Variants in SLC18A1 observed in about 807,000 individuals in gnomAD.
The protein encoded by SLC18A1 is solute carrier family 18 member A1.
A neutral mutation model predicts 53.7 loss-of-function variants in SLC18A1; 69 were observed. The ratio of observed to expected loss-of-function variants is 1.28; its 90% CI spans 1.06 to 1.57. The LOEUF is 1.57. Ranked by LOEUF, SLC18A1 falls within the 40% of genes most tolerant of loss-of-function variation. SLC18A1 has a pLI of 0.00. For missense variants in SLC18A1, 932 were observed against 668.1 expected (o/e 1.40, Z -4.35); for synonymous variants, 320 against 248.1 (o/e 1.29, Z -2.72).
chr8:20,147,246 G>T lies in SLC18A1; in HGVS notation c.1464+12C>A. The T allele has an allele frequency of 6.3e-7, 1 of 1,586,034 alleles. No individual in the cohort carries two copies. Among genetic ancestry groups the T allele is most frequent in the Admixed American group, 1.9e-5 (1 of 52,256 alleles). ...GAAGTGAATTTCTCTTTTAACAGTC[G>T]GTGCTCCTTACAAGCTTCTCTTCCT... On this transcript the variant is annotated intron_variant, in intron 15 of 15. Transcript: ENST00000276373.
chr8:20,166,412 G>A (rs1467547677), intron 8 of SLC18A1, among the ~76,000 whole-genome samples: 2 of 148,208 alleles, frequency 1.3e-5, no homozygotes, highest in African/African-American at 5.0e-5. Context: ...AGAAAAAAAG[G>A]AGAACGCAAA....
At position 20,153,319 on chromosome 8, in the gene SLC18A1, G is replaced by A. The variant is rs373320727; in HGVS notation, c.1016-2575C>T. 6.6e-5 allele frequency among the ~76,000 whole-genome samples: 10 copies of A among 152,258 alleles called. No individual in the cohort carries two copies. The South Asian group carries it at 2.1e-3, about 32-fold the overall frequency. The stretch of plus-strand genomic sequence containing the variant: ...TTTTTGGCAAGTGACAAGCCCAGAG[G>A]GAGTGAGGAGTTTCAGAAGAGTGAC... On this transcript the variant is annotated intron_variant, in intron 10 of 15. Coordinates refer to ENST00000276373, the MANE Select transcript of SLC18A1 (RefSeq NM_003053.4).
chr8:20,147,374 C>A lies in SLC18A1; in HGVS notation c.1348G>T (p.Ala450Ser). The A allele has an allele frequency of 6.2e-7, 1 of 1,610,576 alleles. No homozygotes were observed. Residue 450 changes from alanine to serine, a missense_variant, in exon 15 of 16, where the codon GCC (alanine) becomes TCC (serine). By Grantham distance (99) the Ala-to-Ser change is moderately conservative. Coordinates refer to ENST00000276373, the MANE Select transcript of SLC18A1 (RefSeq NM_003053.4). The stretch of plus-strand genomic sequence containing the variant: ...GGAAAACCGATGGCCTTTACAATGG[C>A]ACCACCGGTGGATGGACCTGGGAGG... ...GFAIGPSTGG[A>S]IVKAIGFPWL...
chr8:20,147,180 C>G, intron 15 of SLC18A1, 78 bp downstream of exon 15: 1 of 1,487,020 alleles, frequency 6.7e-7, no homozygotes, highest in Non-Finnish European at 9.0e-7. Context: ...GAAATAACAG[C>G]CCAGGATGAA....
At chr8:20,181,256 C>T (rs1563779171) in intron 1 of SLC18A1, among the ~76,000 whole-genome samples, 169 bp from the exon 2 acceptor site, 1 of 152,168 alleles carries the variant, frequency 6.6e-6, no homozygotes, top group East Asian at 1.9e-4. Flanking sequence ...GGATTTATAT[C>T]TAGCCATTAA....
At position 20,150,758 on chromosome 8, in the gene SLC18A1, C is replaced by A. The variant is rs537699055; in HGVS notation, c.1016-14G>T. 2.1e-5 allele frequency: 34 copies of A among 1,610,380 alleles called. No homozygotes were observed. Among genetic ancestry groups the A allele is most frequent in the Non-Finnish European group, 2.8e-5 (33 of 1,176,746 alleles). On this transcript the variant is annotated splice_polypyrimidine_tract_variant and intron_variant, in intron 10 of 15. Coordinates refer to ENST00000276373, the MANE Select transcript of SLC18A1 (RefSeq NM_003053.4). ...AGAAAGCTAGACCTGTGGAAGGACA[C>A]AGATCCTTACCTTAGGACATGTCCA... is the stretch of plus-strand genomic sequence containing the variant.
chr8:20,165,077 G>A lies in SLC18A1; in HGVS notation c.889C>T (p.Leu297Phe). Residue 297 changes from leucine (L) to phenylalanine (F), a missense_variant, in exon 9 of 16, where the codon CTC becomes TTC. Coordinates refer to ENST00000276373, the MANE Select transcript of SLC18A1 (RefSeq NM_003053.4). ...GCCACCAGGATGTAAGGGTCTTTGA[G>A]AAGCATAAAGAGGGGAGTCCCCTTG... ...SAKGTPLFML[L>F]KDPYILVAAG... 2 of 1,614,228 alleles carry A rather than the reference G, an allele frequency of 1.2e-6. No homozygotes were observed. The highest frequency in any genetic ancestry group is 8.5e-7 in the Non-Finnish European group (1 of 1,180,044).
chr8:20,162,126 G>A (rs1021464326), intron 10 of SLC18A1, among the ~76,000 whole-genome samples: 2 of 152,210 alleles, frequency 1.3e-5, no homozygotes. Context: ...CAGTTGAGGG[G>A]CACTGCACTG....
At chr8:20,155,407 C>T (rs1249336227) in intron 10 of SLC18A1, among the ~76,000 whole-genome samples, 1 of 152,152 alleles carries the variant, frequency 6.6e-6, no homozygotes, top group Non-Finnish European at 1.5e-5. Context: ...GGCTTTCTAA[C>T]AACACCCAAT....
At position 20,145,516 on chromosome 8, in the gene SLC18A1, C is replaced by T. The variant is rs998238726; in HGVS notation, c.*247G>A. 10 of 329,408 alleles carry T rather than the reference C, an allele frequency of 3.0e-5. No homozygotes were observed. Among genetic ancestry groups the T allele is most frequent in the South Asian group, 2.0e-4 (2 of 10,012 alleles). The allele number at this position is 329,408 out of a possible 1,614,324, so 20.4% of individuals were successfully genotyped here. A position where few individuals can be genotyped will look rare whatever the true frequency, so the allele number is the denominator to read the frequency against. ...TCAAGTTTAATCAACCTCACAGCAG[C>T]GGGAAGGTGCATCACTCTGTCTTCC... On this transcript the variant is annotated 3_prime_UTR_variant, in exon 16 of 16. Coordinates refer to ENST00000276373, the MANE Select transcript of SLC18A1 (RefSeq NM_003053.4).
intron 10 of SLC18A1, among the ~76,000 whole-genome samples, chr8:20,151,612 T>G (rs1269644615): frequency 6.6e-6 from 1 of 152,238 alleles, no homozygotes; most frequent in African/African-American, 2.4e-5. Flanking sequence ...AGGTAATGCA[T>G]GCAAAAGTAT....
chr8:20,147,671 CGTA>C lies in SLC18A1; in HGVS notation c.1259_1261del (p.Leu420del). The C allele has an allele frequency of 2.5e-6, 4 of 1,613,902 alleles. No individual in the cohort carries two copies. Among genetic ancestry groups the C allele is most frequent in the Non-Finnish European group, 3.4e-6 (4 of 1,179,922 alleles). ...GACACTCCCATACACCGAGGTGTGG[CGTA>C]GATCCACCAGGTGCCCCATGATGGG... On this transcript the variant is annotated inframe_deletion, in exon 14 of 16. Coordinates refer to ENST00000276373, the MANE Select transcript of SLC18A1 (RefSeq NM_003053.4).
intron 8 of SLC18A1, among the ~76,000 whole-genome samples, chr8:20,168,639 G>T (rs2128876200): frequency 6.6e-6 from 1 of 152,170 alleles, no homozygotes; most frequent in East Asian, 1.9e-4. Flanking sequence ...GAGTGCAGTG[G>T]CTTACTGCAA....
chr8:20,152,202 T>C lies in SLC18A1; in HGVS notation c.1016-1458A>G, dbSNP rs1220983502. On this transcript the variant is annotated intron_variant, in intron 10 of 15. Coordinates refer to ENST00000276373, the MANE Select transcript of SLC18A1 (RefSeq NM_003053.4). ...TAGTTTGCTCTAAGAATAGAAAGGA[T>C]ATCTGTGTGCCTGAAATATAAGAGG... is the stretch of plus-strand genomic sequence containing the variant. Among the ~76,000 whole-genome samples the C allele has an allele frequency of 6.6e-5, 10 of 152,186 alleles. No homozygotes were observed. In the South Asian group the frequency reaches 2.1e-3, roughly 31 times the overall value.
rs1212848879 is a variant in SLC18A1 at position 20,145,672 on chromosome 8, C to T, written c.*91G>A. On this transcript the variant is annotated 3_prime_UTR_variant, in exon 16 of 16. Transcript: ENST00000276373. The stretch of plus-strand genomic sequence containing the variant: ...ATTCCCAGGCAGAGGTATGTGAAGC[C>T]CACTGAGCCGTGGGCTCAGCCATGG... 4.2e-6 allele frequency: 3 copies of T among 710,562 alleles called. No individual in the cohort carries two copies. The African/African-American group carries it at 5.4e-5, about 13-fold the overall frequency. 44.0% of individuals were successfully genotyped at this position (710,562 alleles called of 1,614,324 possible). A position where few individuals can be genotyped will look rare whatever the true frequency, so the allele number is the denominator to read the frequency against.
At chr8:20,152,158 A>C (rs970982327) in intron 10 of SLC18A1, among the ~76,000 whole-genome samples, 15 of 152,196 alleles carry the variant, frequency 9.9e-5, no homozygotes, top group Non-Finnish European at 1.8e-4. Flanking sequence ...GGAAATTAAG[A>C]TGTCTTAAAG....
Position 20,178,056 on chromosome 8 carries a change from A to G in SLC18A1, c.547+379T>C, listed in dbSNP as rs1208315805. Among the ~76,000 whole-genome samples, 4 of 152,068 alleles carry G rather than the reference A, an allele frequency of 2.6e-5. No homozygotes were observed. In the East Asian group the frequency reaches 7.7e-4, roughly 29 times the overall value. ...CCCTTTTCCATGGCATAACAAAATA[A>G]TATCATTGCTTCTCATAGATGGAAA... On this transcript the variant is annotated intron_variant, in intron 4 of 15. Coordinates refer to ENST00000276373, the MANE Select transcript of SLC18A1 (RefSeq NM_003053.4).
chr8:20,147,916 T>G, intron 13 of SLC18A1, 91 bp downstream of exon 13: 2 of 1,486,042 alleles, frequency 1.3e-6, no homozygotes, highest in South Asian at 1.2e-5. Flanking sequence ...CCTCTGCACC[T>G]ACCTCCTCTG....
chr8:20,164,862 C>T lies in SLC18A1; in HGVS notation c.1015+7G>A. On this transcript the variant is annotated splice_region_variant and intron_variant, in intron 10 of 15. Coordinates refer to ENST00000276373, the MANE Select transcript of SLC18A1 (RefSeq NM_003053.4). ...AGGCCCTGAGCGGGGGTGCTGAGGT[C>T]ACTTACCCAGCTGCCACTTGGGGGA... The T allele has an allele frequency of 6.2e-7, 1 of 1,602,740 alleles. No homozygotes were observed. The highest frequency in any genetic ancestry group is 8.5e-7 in the Non-Finnish European group (1 of 1,171,550).
Sources: gnomAD v4.1 joint callset for allele counts (sites outside exome capture counted in the v4.1 genomes callset) on GRCh38, gnomAD v4.1.1 for gene constraint, MANE v1.5 for transcripts, NCBI Gene and HGNC (gene_info 2026-07-23, HGNC 2026-07-21) for gene names.